Variants in CLIC4 observed in about 807,000 individuals in gnomAD.
CLIC4 encodes the protein CLIC family member 4, also known as chloride intracellular channel protein 4.
Under a neutral mutation model 24.6 loss-of-function variants are expected in CLIC4, and 13 were observed. That is an observed-to-expected ratio of 0.53 (90% CI 0.34 to 0.84). CLIC4 has a LOEUF of 0.84. Among genes scored for constraint, CLIC4 ranks in the 40% least tolerant of loss-of-function variants. The probability of loss-of-function intolerance (pLI) is 0.01; values close to 1 mark genes in which losing one functional copy is unlikely to be tolerated. For synonymous variants in CLIC4, 104 were observed against 111.3 expected (o/e 0.93, Z 0.41); for missense variants, 227 against 301.7 (o/e 0.75, Z 1.83).
In CLIC4 at chr1:24,767,044, A is replaced by AAAAAG. The variant is rs1199011195; in HGVS notation, c.72+21424_72+21428dup. 5.0e-4 allele frequency among the ~76,000 whole-genome samples: 71 copies of AAAAAG among 141,594 alleles called. 2 individuals are homozygous for AAAAAG. Among genetic ancestry groups the AAAAAG allele is most frequent in the Non-Finnish European group, 8.6e-4 (56 of 64,914 alleles). The allele number at this position is 141,594 out of a possible 152,430, so 92.9% of individuals were successfully genotyped here. ...TGAGCTAAAAAAAAAAAAAAAAAAAAAAAAGAAAAAGAAAAGAAAAACCAA... is the reference window on the plus strand; with the variant it reads ...TGAGCTAAAAAAAAAAAAAAAAAAAAAAAAGAAAAGAAAAAGAAAAGAAAAACCAA... On this transcript the variant is annotated intron_variant, in intron 1 of 5. Transcript: ENST00000374379.
intron 1 of CLIC4, among the ~76,000 whole-genome samples, chr1:24,795,906 G>T (rs1639393708): frequency 6.6e-6 from 1 of 152,114 alleles, no homozygotes; most frequent in Non-Finnish European, 1.5e-5. Flanking sequence ...TTTTGGAGGC[G>T]GGTACACCTA....
chr1:24,787,443 G>A (rs1161371395), intron 1 of CLIC4, among the ~76,000 whole-genome samples: 1 of 152,072 alleles, frequency 6.6e-6, no homozygotes, highest in Non-Finnish European at 1.5e-5. Context: ...GTTATTGGAT[G>A]TAATTCATAT....
chr1:24,815,045 C>T (rs2124153468), intron 3 of CLIC4, among the ~76,000 whole-genome samples: 1 of 152,170 alleles, frequency 6.6e-6, no homozygotes, highest in African/African-American at 2.4e-5. Flanking sequence ...GGTTCCAGAC[C>T]ACAGTGATAA....
intron 3 of CLIC4, among the ~76,000 whole-genome samples, chr1:24,826,418 G>T (rs531053305): frequency 2.5e-4 from 38 of 152,282 alleles, no homozygotes; most frequent in Admixed American, 2.2e-3. Context: ...TGCCGTTGGG[G>T]TTCTCTGGCT....
intron 1 of CLIC4, among the ~76,000 whole-genome samples, chr1:24,790,864 T>C (rs1210915537): frequency 6.6e-6 from 1 of 152,132 alleles, no homozygotes; most frequent in African/African-American, 2.4e-5. Flanking sequence ...GTGATCATAT[T>C]TTTCAAGGAA....
intron 3 of CLIC4, among the ~76,000 whole-genome samples, chr1:24,821,198 G>GGA (rs1553194089): frequency 6.9e-6 from 1 of 145,250 alleles, no homozygotes; most frequent in Non-Finnish European, 1.5e-5. Context: ...AAAGAAGAAG[G>GGA]AAAAAAAAAA....
At chr1:24,776,911 T>C (rs1029477869) in intron 1 of CLIC4, among the ~76,000 whole-genome samples, 1 of 152,014 alleles carries the variant, frequency 6.6e-6, no homozygotes, top group African/African-American at 2.4e-5. Flanking sequence ...AAACTCTGTC[T>C]CAAAAAAAAA....
At chr1:24,756,114 C>G (rs1414328813) in intron 1 of CLIC4, among the ~76,000 whole-genome samples, 3 of 152,062 alleles carry the variant, frequency 2.0e-5, no homozygotes, top group Admixed American at 2.0e-4. Context: ...ATTCTCCTGC[C>G]TCAGCCTCCC....
chr1:24,828,363 T>C (rs572830592), intron 4 of CLIC4, among the ~76,000 whole-genome samples: 48 of 151,936 alleles, frequency 3.2e-4, no homozygotes, highest in Admixed American at 1.1e-3. Flanking sequence ...TCTTTAGTAA[T>C]TGGCTTTTTT....
intron 3 of CLIC4, among the ~76,000 whole-genome samples, chr1:24,815,363 G>T (rs182689351): frequency 4.6e-5 from 7 of 152,088 alleles, no homozygotes; most frequent in Non-Finnish European, 8.8e-5. Flanking sequence ...TTAGCTGGGC[G>T]TGGTGGCAGG....
intron 1 of CLIC4, among the ~76,000 whole-genome samples, chr1:24,756,348 A>G (rs923452460): frequency 1.3e-5 from 2 of 152,168 alleles, no homozygotes; most frequent in African/African-American, 4.8e-5. Flanking sequence ...CCAGGAACGG[A>G]CCTGAGTTCA....
At position 24,844,284 on chromosome 1, in the gene CLIC4, T is replaced by C. The variant is rs1443493049; in HGVS notation, c.*3347T>C. ...TTCACTATCATAAAGGATTCTTTTT[T>C]CCCCCCTCATGAAAATAAACAACAA... On this transcript the variant is annotated 3_prime_UTR_variant, in exon 6 of 6. Coordinates refer to ENST00000374379, the MANE Select transcript of CLIC4 (RefSeq NM_013943.3). 1.3e-5 allele frequency: 2 copies of C among 152,546 alleles called. No homozygotes were observed. Among genetic ancestry groups the C allele is most frequent in the Non-Finnish European group, 2.9e-5 (2 of 67,998 alleles). 9.4% of individuals were successfully genotyped at this position (152,546 alleles called of 1,614,324 possible).
intron 1 of CLIC4, among the ~76,000 whole-genome samples, chr1:24,779,834 C>A (rs1639182297): frequency 6.6e-6 from 1 of 152,210 alleles, no homozygotes; most frequent in African/African-American, 2.4e-5. Context: ...ATTGCTTTTA[C>A]CTAATCCAAA....
chr1:24,790,807 A>G (rs1639325439), intron 1 of CLIC4, among the ~76,000 whole-genome samples: 1 of 152,190 alleles, frequency 6.6e-6, no homozygotes, highest in Admixed American at 6.5e-5. Flanking sequence ...GATTGGTTAC[A>G]TTAAGTTGGA....
At chr1:24,813,047 T>TA (rs924027152) in intron 2 of CLIC4, among the ~76,000 whole-genome samples, 3 of 64,068 alleles carry the variant, frequency 4.7e-5, no homozygotes, top group Admixed American at 3.7e-4. Context: ...TCTTTCTTTC[T>TA]TTTTTTTTTT....
At chr1:24,816,480 T>C (rs1482174724) in intron 3 of CLIC4, among the ~76,000 whole-genome samples, 1 of 152,104 alleles carries the variant, frequency 6.6e-6, no homozygotes, top group East Asian at 1.9e-4. Context: ...TGACCTCAGA[T>C]GATCCGCCCG....
intron 1 of CLIC4, among the ~76,000 whole-genome samples, chr1:24,787,981 A>G (rs1639289545): frequency 6.6e-6 from 1 of 151,550 alleles, no homozygotes; most frequent in Non-Finnish European, 1.5e-5. Flanking sequence ...TCAGCTTCCC[A>G]AGTAGCTGGG....
At chr1:24,776,171 TTC>T (rs140069244) in intron 1 of CLIC4, among the ~76,000 whole-genome samples, 37 of 151,824 alleles carry the variant, frequency 2.4e-4, no homozygotes, top group Non-Finnish European at 3.7e-4. Context: ...CCTGTGCTGG[TTC>T]TCTCTCTCTC....
chr1:24,798,803 G>A (rs1374278287), intron 2 of CLIC4, among the ~76,000 whole-genome samples: 1 of 151,910 alleles, frequency 6.6e-6, no homozygotes, highest in Non-Finnish European at 1.5e-5. Context: ...TTGCAGGCAC[G>A]CGCCGCCACG....
Sources: allele counts gnomAD v4.1 joint callset (sites outside exome capture counted in the v4.1 genomes callset), GRCh38; gene constraint gnomAD v4.1.1; transcripts MANE v1.5; gene names NCBI Gene and HGNC (gene_info 2026-07-23, HGNC 2026-07-21).